Variants in MORC1 observed in about 807,000 individuals in gnomAD.
MORC1 encodes MORC family CW-type zinc finger protein 1.
In MORC1, 59 loss-of-function variants were observed where a neutral mutation model predicts 134.9. That is an observed-to-expected ratio of 0.44 (90% CI 0.35 to 0.54). The LOEUF is 0.54. MORC1 is among the 20% of genes least tolerant of loss of function. The pLI, the probability that MORC1 is intolerant of heterozygous loss-of-function variation, is 0.00. For synonymous variants in MORC1, 395 were observed against 391.7 expected (o/e 1.01, Z -0.10); for missense variants, 947 against 1,134.5 (o/e 0.83, Z 2.37).
At chr3:109,013,984 C>A (rs1190567243) in intron 17 of MORC1, among the ~76,000 whole-genome samples, 1 of 152,128 alleles carries the variant, frequency 6.6e-6, no homozygotes, top group Non-Finnish European at 1.5e-5. Context: ...TTGAACTTCC[C>A]AGCCTCTAGA....
At chr3:108,988,705 A>G (rs1340301945) in intron 21 of MORC1, among the ~76,000 whole-genome samples, 2 of 152,162 alleles carry the variant, frequency 1.3e-5, no homozygotes, top group Non-Finnish European at 2.9e-5. Context: ...AAATGTGTTA[A>G]TTTTCTTTGG....
intron 20 of MORC1, among the ~76,000 whole-genome samples, chr3:109,002,962 T>C (rs1948444555): frequency 6.6e-6 from 1 of 152,194 alleles, no homozygotes; most frequent in Admixed American, 6.5e-5. Context: ...CTGTTCTCAT[T>C]GCTTAGAAGT....
intron 16 of MORC1, among the ~76,000 whole-genome samples, chr3:109,028,234 T>TC (rs34592591): frequency 0.24 from 36,589 of 150,420 alleles, 4,601 homozygotes; most frequent in Middle Eastern, 0.43. Flanking sequence ...CACTGCCATT[T>TC]CCCCCCCCAA....
chr3:109,108,531 T>C (rs891082967), intron 3 of MORC1, among the ~76,000 whole-genome samples: 47 of 151,994 alleles, frequency 3.1e-4, no homozygotes, highest in Non-Finnish European at 8.8e-5. Context: ...CATACCTCCC[T>C]GCTATCCTTG....
intron 3 of MORC1, among the ~76,000 whole-genome samples, chr3:109,109,443 T>C (rs372542235): frequency 6.6e-6 from 1 of 152,174 alleles, no homozygotes; most frequent in Non-Finnish European, 1.5e-5. Context: ...TCATAATTAT[T>C]ACCTAGACAG....
chr3:108,977,809 G>A (rs569745065), intron 24 of MORC1, among the ~76,000 whole-genome samples: 9 of 152,210 alleles, frequency 5.9e-5, no homozygotes, highest in Non-Finnish European at 1.0e-4. Context: ...ACTAGTTAGA[G>A]AATCCCATTC....
chr3:109,100,286 G>T (rs1950901594), intron 5 of MORC1, 131 bp downstream of exon 5: 1 of 665,972 alleles, frequency 1.5e-6, no homozygotes. Context: ...CCAACACAAA[G>T]TAGGTCACCC....
At chr3:108,989,869 A>G (rs1477878801) in intron 21 of MORC1, among the ~76,000 whole-genome samples, 1 of 152,116 alleles carries the variant, frequency 6.6e-6, no homozygotes, top group Non-Finnish European at 1.5e-5. Flanking sequence ...AGTCCTGCTG[A>G]TATGGTTTGG....
chr3:109,053,697 T>A (rs766934996), intron 14 of MORC1, among the ~76,000 whole-genome samples: 1 of 152,064 alleles, frequency 6.6e-6, no homozygotes, highest in Non-Finnish European at 1.5e-5. Flanking sequence ...GGTGACAAGT[T>A]TAGTCATATC....
chr3:109,064,105 A>G (rs1299904485), intron 9 of MORC1, among the ~76,000 whole-genome samples: 1 of 152,194 alleles, frequency 6.6e-6, no homozygotes, highest in East Asian at 1.9e-4. Context: ...AGTTGTACAT[A>G]ATTTTATGTT....
chr3:109,004,916 A>G, intron 19 of MORC1, 28 bp from the exon 20 acceptor site: 1 of 1,601,624 alleles, frequency 6.2e-7, no homozygotes. Context: ...ACAGAAAAAA[A>G]AATTAGAAAT....
chr3:109,058,392 A>C (rs1950009186), intron 12 of MORC1, among the ~76,000 whole-genome samples: 1 of 152,122 alleles, frequency 6.6e-6, no homozygotes, highest in Non-Finnish European at 1.5e-5. Flanking sequence ...TTCTTTACCC[A>C]ATCAAGAATG....
intron 24 of MORC1, among the ~76,000 whole-genome samples, chr3:108,976,272 G>A (rs1255291208): frequency 6.6e-6 from 1 of 152,046 alleles, no homozygotes; most frequent in South Asian, 2.1e-4. Context: ...CCAAATGGAG[G>A]GAACACCCTT....
At chr3:108,995,630 G>C (rs1948180818) in intron 21 of MORC1, among the ~76,000 whole-genome samples, 1 of 152,128 alleles carries the variant, frequency 6.6e-6, no homozygotes, top group Non-Finnish European at 1.5e-5. Context: ...AAGAAGATGA[G>C]CCTCATGACT....
At chr3:109,080,826 T>C (rs1950507070) in intron 8 of MORC1, among the ~76,000 whole-genome samples, 1 of 152,126 alleles carries the variant, frequency 6.6e-6, no homozygotes, top group Non-Finnish European at 1.5e-5. Flanking sequence ...ATAAAGGCTG[T>C]AGCAATTAAG....
At chr3:108,992,776 T>C (rs1559877413) in intron 21 of MORC1, among the ~76,000 whole-genome samples, 1 of 152,164 alleles carries the variant, frequency 6.6e-6, no homozygotes, top group East Asian at 1.9e-4. Context: ...GTATTTTCAC[T>C]TTTGGCAGTG....
chr3:109,093,770 A>C (rs1950774618), intron 7 of MORC1, among the ~76,000 whole-genome samples: 1 of 152,224 alleles, frequency 6.6e-6, no homozygotes, highest in Non-Finnish European at 1.5e-5. Context: ...TCTTATTATA[A>C]TTCAATTCAT....
At chr3:109,058,804 G>A (rs1409976647) in intron 12 of MORC1, among the ~76,000 whole-genome samples, 1 of 134,048 alleles carries the variant, frequency 7.5e-6, no homozygotes, top group African/African-American at 2.7e-5. Flanking sequence ...AATATTAAAG[G>A]ATATACTGAT....
Position 109,118,114 on chromosome 3 carries a change from C to T in MORC1, c.-55G>A. 6.4e-7 allele frequency: 1 copy of T among 1,562,498 alleles called. No homozygotes were observed. Among genetic ancestry groups the T allele is most frequent in the Non-Finnish European group, 8.7e-7 (1 of 1,150,108 alleles). On this transcript the variant is annotated 5_prime_UTR_variant, in exon 1 of 28. Coordinates refer to ENST00000232603, the MANE Select transcript of MORC1 (RefSeq NM_014429.4). ...GGGACAAGGACACCTGACCGGCAGC[C>T]GTTCGCCTGCGCCCGCGCCCACTCC...
Sources: allele counts gnomAD v4.1 joint callset (sites outside exome capture counted in the v4.1 genomes callset), GRCh38; gene constraint gnomAD v4.1.1; transcripts MANE v1.5; gene names NCBI Gene and HGNC (gene_info 2026-07-23, HGNC 2026-07-21).